L3MBTL1: variants seen among roughly 807,000 people sequenced by gnomAD.
L3MBTL1 encodes the protein L3MBTL histone methyl-lysine binding protein 1.
L3MBTL1 carries 75 observed loss-of-function variants against 105.3 expected under a neutral mutation model. That is an observed-to-expected ratio of 0.71 (90% CI 0.59 to 0.86). The LOEUF is 0.86. L3MBTL1 is among the 40% of genes least tolerant of loss of function. L3MBTL1 has a pLI of 0.00. For missense variants in L3MBTL1, 1,069 were observed against 1,126.4 expected (o/e 0.95, Z 0.73); for synonymous variants, 452 against 436.2 (o/e 1.04, Z -0.45).
chr20:43,525,042 G>A (rs2145427141), intron 7 of L3MBTL1, among the ~76,000 whole-genome samples: 1 of 152,018 alleles, frequency 6.6e-6, no homozygotes, highest in South Asian at 2.1e-4. Flanking sequence ...GACAGTAAAT[G>A]TGGAGAGATG....
chr20:43,507,894 A>C (rs1369255873), intron 1 of L3MBTL1, 150 bp downstream of exon 1: 2 of 151,782 alleles, frequency 1.3e-5, no homozygotes, highest in Non-Finnish European at 2.9e-5. Flanking sequence ...GCTGGGGAGG[A>C]GGTTCGGGAA....
chr20:43,541,774 T>C lies in L3MBTL1; in HGVS notation c.*646T>C. On this transcript the variant is annotated 3_prime_UTR_variant, in exon 22 of 22. Coordinates refer to ENST00000418998, the MANE Select transcript of L3MBTL1 (RefSeq NM_001377303.1). ...GACAGAAATGTCTTTATGTAGCATA[T>C]GGCTGTGTATCACTAGTATATAATA... 1 of 966,704 alleles carries C rather than the reference T, an allele frequency of 1.0e-6. No individual in the cohort carries two copies. Among genetic ancestry groups the C allele is most frequent in the Non-Finnish European group, 1.2e-6 (1 of 812,172 alleles). The allele number at this position is 966,704 out of a possible 1,614,324, so 59.9% of individuals were successfully genotyped here.
At chr20:43,514,302 G>C in intron 3 of L3MBTL1, 1 of 870,090 alleles carries the variant, frequency 1.1e-6, no homozygotes, top group Non-Finnish European at 1.7e-6. Flanking sequence ...GTGGGTGTCT[G>C]GGGGCGTGGC....
chr20:43,534,706 G>C, intron 15 of L3MBTL1, 122 bp from the exon 16 acceptor site: 1 of 678,380 alleles, frequency 1.5e-6, no homozygotes, highest in East Asian at 2.7e-5. Flanking sequence ...TGCAGGGTTG[G>C]CCCCTTGGTT....
intron 7 of L3MBTL1, among the ~76,000 whole-genome samples, chr20:43,517,434 C>T (rs547375763): frequency 2.4e-4 from 36 of 151,988 alleles, no homozygotes; most frequent in African/African-American, 8.4e-4. Flanking sequence ...AATGGAGTTT[C>T]ACTCTATTGC....
At position 43,530,781 on chromosome 20, in the gene L3MBTL1, C is replaced by A; in HGVS notation, c.1193-17C>A. Reference sequence around the variant, plus strand: ...GCCTCTGCACGGCGCTCTGTTCATGCCCCTCGAGGGGCCTAGGTTACAAGG... The same window carrying A: ...GCCTCTGCACGGCGCTCTGTTCATGACCCTCGAGGGGCCTAGGTTACAAGG... On this transcript the variant is annotated splice_polypyrimidine_tract_variant and intron_variant, in intron 10 of 21. Transcript: ENST00000418998. 1 of 1,612,094 alleles carries A rather than the reference C, an allele frequency of 6.2e-7. No homozygotes were observed.
chr20:43,550,849 G>A (rs1978926845), exon 19 of L3MBTL1: 1 of 152,174 alleles, frequency 6.6e-6, no homozygotes, highest in African/African-American at 2.4e-5. Flanking sequence ...GAATCTTCTG[G>A]CTTAAGCTAA....
At chr20:43,545,405 G>A (rs886951939), downstream of L3MBTL1, among the ~76,000 whole-genome samples, 2 of 151,536 alleles carry the variant, frequency 1.3e-5, no homozygotes, top group Non-Finnish European at 1.5e-5. Context: ...GAGCCAGACC[G>A]GCATGAGGTG....
At chr20:43,539,911 A>G (rs1402976901) in intron 19 of L3MBTL1, 2 of 602,556 alleles carry the variant, frequency 3.3e-6, no homozygotes, top group African/African-American at 1.8e-5. Flanking sequence ...AGACGGGGTG[A>G]GGGTCATTCC....
In L3MBTL1 at chr20:43,535,834, T is replaced by C. The variant is rs1383263327; in HGVS notation, c.1826-3T>C. ...GAGGACCGCCTCCTTTCTGCTCTTT[T>C]AGGACCCAGAGAGCCCAGCTCTGCC... On this transcript the variant is annotated splice_polypyrimidine_tract_variant and splice_region_variant and intron_variant, in intron 16 of 21. Coordinates refer to ENST00000418998, the MANE Select transcript of L3MBTL1 (RefSeq NM_001377303.1). 1 of 1,578,798 alleles carries C rather than the reference T, an allele frequency of 6.3e-7. No homozygotes were observed. The highest frequency in any genetic ancestry group is 8.6e-7 in the Non-Finnish European group (1 of 1,164,680).
intron 3 of L3MBTL1, 150 bp downstream of exon 3, chr20:43,514,211 G>A: frequency 1.2e-6 from 1 of 821,690 alleles, no homozygotes; most frequent in South Asian, 1.8e-5. Context: ...GACTCTCGGG[G>A]CGTGGCTTGA....
intron 19 of L3MBTL1, among the ~76,000 whole-genome samples, chr20:43,537,610 C>G (rs1401089081): frequency 6.6e-6 from 1 of 152,200 alleles, no homozygotes; most frequent in Non-Finnish European, 1.5e-5. Context: ...TAACATACTT[C>G]AGCGGGAGGG....
chr20:43,514,735 G>A lies in L3MBTL1; in HGVS notation c.461G>A (p.Gly154Glu), dbSNP rs201702857. The A allele has an allele frequency of 1.9e-6, 3 of 1,569,688 alleles. No homozygotes were observed. The Admixed American group carries it at 5.7e-5, about 30-fold the overall frequency. ...GGCGTGACCGAATACGAAGATGGCG[G>A]GGCCCCGGCGGGAGATGGCGAGGCG... is the stretch of plus-strand genomic sequence containing the variant. ...QEGVTEYEDG[G>E]APAGDGEAGP... The change falls in exon 4 of 22, where the codon GGG (glycine) becomes GAG (glutamate). Residue 154 changes from glycine to glutamate, a missense_variant. Physicochemically the swap from Gly to Glu is moderately conservative, Grantham distance 98. Transcript: ENST00000418998.
At chr20:43,522,946 A>C (rs1030266264) in intron 7 of L3MBTL1, among the ~76,000 whole-genome samples, 14 of 150,806 alleles carry the variant, frequency 9.3e-5, no homozygotes, top group African/African-American at 3.2e-4. Context: ...TAATAAGAAT[A>C]CAAAAAAAAA....
rs374661735 is a variant in L3MBTL1 at position 43,534,756 on chromosome 20, T to C, written c.1711-72T>C. The C allele has an allele frequency of 2.8e-6, 3 of 1,064,480 alleles. No homozygotes were observed. In the East Asian group the frequency reaches 7.4e-5, roughly 26 times the overall value. 65.9% of individuals were successfully genotyped at this position (1,064,480 alleles called of 1,614,324 possible). A position where few individuals can be genotyped will look rare whatever the true frequency, so the allele number is the denominator to read the frequency against. On this transcript the variant is annotated intron_variant, in intron 15 of 21. Transcript: ENST00000418998. The stretch of plus-strand genomic sequence containing the variant: ...TCTTGCTTCTGACAGGTCCCAGGGA[T>C]GGGGAGAGGACCTTCTGGCTGAGCT...
At chr20:43,524,157 T>G (rs1200237151) in intron 7 of L3MBTL1, among the ~76,000 whole-genome samples, 1 of 152,176 alleles carries the variant, frequency 6.6e-6, no homozygotes, top group African/African-American at 2.4e-5. Context: ...TAAAAAAAAT[T>G]TATTTCCATT....
intron 13 of L3MBTL1, among the ~76,000 whole-genome samples, 180 bp downstream of exon 13, chr20:43,533,598 T>TCCTGTCAA (rs1369197668): frequency 6.6e-6 from 1 of 152,144 alleles, no homozygotes; most frequent in African/African-American, 2.4e-5. Context: ...TTTAGGAGAC[T>TCCTGTCAA]CCTGTCAAAC....
At position 43,535,908 on chromosome 20, in the gene L3MBTL1, A is replaced by G. The variant is rs201339937; in HGVS notation, c.1897A>G (p.Arg633Gly). 113 of 1,613,280 alleles carry G rather than the reference A, an allele frequency of 7.0e-5. 1 individual carries two copies. The highest frequency in any genetic ancestry group is 4.9e-4 in the Middle Eastern group (3 of 6,082). ...PLSYRSLPHT[R>G]TSKYSFHHRK... ...CAGCTATAGGAGCCTGCCCCACACTAGGACCTCCAAATACAGCTTTCACCA... is the reference window on the plus strand; with the variant it reads ...CAGCTATAGGAGCCTGCCCCACACTGGGACCTCCAAATACAGCTTTCACCA... Residue 633 changes from arginine to glycine, a missense_variant, in exon 17 of 22, where the codon AGG becomes GGG. Transcript: ENST00000418998.
Position 43,540,959 on chromosome 20 carries a change from T to A in L3MBTL1, c.2420T>A (p.Val807Glu). Residue 807 changes from valine (V) to glutamate (E), a missense_variant, in exon 22 of 22, where the codon GTA (valine) becomes GAA (glutamate). Physicochemically the swap from Val to Glu is moderately radical, Grantham distance 121. Coordinates refer to ENST00000418998, the MANE Select transcript of L3MBTL1 (RefSeq NM_001377303.1). The part of the protein sequence containing the change: ...DEARIVRVTH[V>E]SGKTLVWTVA... ...GCAAGAATAGTCAGAGTGACCCATG[T>A]ATCTGGGAAGACTCTAGTCTGGACT... is the stretch of plus-strand genomic sequence containing the variant. 1 of 1,614,156 alleles carries A rather than the reference T, an allele frequency of 6.2e-7. No homozygotes were observed. The highest frequency in any genetic ancestry group is 1.1e-5 in the South Asian group (1 of 91,082).
Sources: allele counts gnomAD v4.1 joint callset (sites outside exome capture counted in the v4.1 genomes callset), GRCh38; gene constraint gnomAD v4.1.1; transcripts MANE v1.5; gene names NCBI Gene and HGNC (gene_info 2026-07-23, HGNC 2026-07-21).